Variants in MCF2L observed in about 807,000 individuals in gnomAD.
The protein encoded by MCF2L is guanine nucleotide exchange factor DBS.
In MCF2L, 97 loss-of-function variants were observed where a neutral mutation model predicts 153.4. The observed-to-expected ratio is 0.63, with a 90% CI of 0.54 to 0.75. MCF2L has a LOEUF of 0.75. Among genes scored for constraint, MCF2L ranks in the 30% least tolerant of loss-of-function variants. The probability of loss-of-function intolerance (pLI) is 0.00; values close to 1 mark genes in which losing one functional copy is unlikely to be tolerated. For synonymous variants in MCF2L, 659 were observed against 632.2 expected, an observed-to-expected ratio of 1.04 and a Z score of -0.64; for missense variants, 1,347 against 1,495.2, an observed-to-expected ratio of 0.90 and a Z score of 1.64.
Position 113,098,355 on chromosome 13 carries a change from T to G in MCF2L, c.*1496T>G, listed in dbSNP as rs928489632. 6.6e-6 allele frequency: 1 copy of G among 152,614 alleles called. No individual in the cohort carries two copies. The highest frequency in any genetic ancestry group is 1.9e-4 in the East Asian group (1 of 5,208). 9.5% of individuals were successfully genotyped at this position (152,614 alleles called of 1,614,324 possible). The stretch of plus-strand genomic sequence containing the variant: ...GTGCTGTGTCCCGCGATGTCCCTGA[T>G]GTACTGTGCAGGCGCGGTGCCTCCG... On this transcript the variant is annotated 3_prime_UTR_variant, in exon 30 of 30. Transcript: ENST00000535094.
chr13:113,001,954 C>T (rs376750519), intron 1 of MCF2L: 26 of 1,593,158 alleles, frequency 1.6e-5, no homozygotes, highest in East Asian at 4.5e-5. Context: ...GACCTCTGGG[C>T]GCTGTGGCTG....
At chr13:112,979,614 T>C (rs1426240652) in intron 1 of MCF2L, 16 of 1,609,446 alleles carry the variant, frequency 9.9e-6, no homozygotes, top group Non-Finnish European at 1.4e-5. Context: ...GGTCCCTGCG[T>C]GAAGAACCAG....
chr13:113,060,253 A>C (rs1159967008), intron 4 of MCF2L, among the ~76,000 whole-genome samples: 1 of 152,216 alleles, frequency 6.6e-6, no homozygotes, highest in African/African-American at 2.4e-5. Flanking sequence ...TCACCAGCCA[A>C]GGTCACGTTC....
chr13:113,025,007 G>T (rs1333434428), intron 3 of MCF2L: 19 of 325,394 alleles, frequency 5.8e-5, no homozygotes, highest in Non-Finnish European at 1.0e-4. Context: ...CGTGACTGTG[G>T]GTTGGGGCAG....
chr13:113,004,024 G>T (rs2083533553), intron 1 of MCF2L, among the ~76,000 whole-genome samples: 1 of 152,176 alleles, frequency 6.6e-6, no homozygotes, highest in Admixed American at 6.5e-5. Flanking sequence ...TTAAAGGAAA[G>T]AATTTGTTAT....
intron 4 of MCF2L, among the ~76,000 whole-genome samples, chr13:113,058,303 G>A (rs551555097): frequency 1.0e-4 from 15 of 150,136 alleles, no homozygotes; most frequent in South Asian, 2.1e-4. Context: ...CTGAGTGGGC[G>A]TTGAGTGTTC....
At chr13:113,033,225 C>A (rs77135716) in intron 3 of MCF2L, among the ~76,000 whole-genome samples, 16 of 127,356 alleles carry the variant, frequency 1.3e-4, no homozygotes, top group South Asian at 2.6e-4. Flanking sequence ...ACATGAGTGG[C>A]CCCCGTGACG....
At chr13:113,095,670 G>A in intron 27 of MCF2L, 1 of 991,976 alleles carries the variant, frequency 1.0e-6, no homozygotes, top group Non-Finnish European at 1.2e-6. Context: ...TCACGTGAGG[G>A]CAGGTGGCCC....
At chr13:112,926,936 A>C (rs2081413516) in intron 2 of MCF2L, among the ~76,000 whole-genome samples, 1 of 151,904 alleles carries the variant, frequency 6.6e-6, no homozygotes, top group South Asian at 2.1e-4. Context: ...GAGTTAAGAC[A>C]TGTGCTAATT....
At chr13:113,026,099 G>A (rs1397674108) in intron 3 of MCF2L, among the ~76,000 whole-genome samples, 2 of 140,478 alleles carry the variant, frequency 1.4e-5, no homozygotes. Context: ...TCGGGGCAGA[G>A]TCTCTGTGAG....
intron 1 of MCF2L, among the ~76,000 whole-genome samples, chr13:113,004,910 G>A (rs1310185827): frequency 6.6e-6 from 1 of 152,234 alleles, no homozygotes; most frequent in Non-Finnish European, 1.5e-5. Context: ...ACGTAAGTTG[G>A]TGCAGGTATC....
At chr13:113,088,685 A>G in intron 25 of MCF2L, 57 bp downstream of exon 25, 3 of 1,546,770 alleles carry the variant, frequency 1.9e-6, no homozygotes, top group Non-Finnish European at 2.6e-6. Flanking sequence ...CGAGCAGGCC[A>G]TTTGCACGCC....
At position 113,096,957 on chromosome 13, in the gene MCF2L, C is replaced by T; in HGVS notation, c.*98C>T. On this transcript the variant is annotated 3_prime_UTR_variant, in exon 30 of 30. Coordinates refer to ENST00000535094, the MANE Select transcript of MCF2L (RefSeq NM_001112732.3). ...GCCCCGAGGAAGGGGCACCTCACCG[C>T]CCCCACCCAGAGCGCCTGGCCGTGC... is the stretch of plus-strand genomic sequence containing the variant. 1 of 894,304 alleles carries T rather than the reference C, an allele frequency of 1.1e-6. No individual in the cohort carries two copies. Among genetic ancestry groups the T allele is most frequent in the East Asian group, 3.7e-5 (1 of 26,898 alleles). 55.4% of individuals were successfully genotyped at this position (894,304 alleles called of 1,614,324 possible).
intron 1 of MCF2L, among the ~76,000 whole-genome samples, chr13:113,007,013 T>C (rs981445870): frequency 6.6e-6 from 1 of 152,156 alleles, no homozygotes; most frequent in African/African-American, 2.4e-5. Flanking sequence ...GGAAGGAACC[T>C]GCGTCCCTCA....
intron 1 of MCF2L, chr13:113,001,351 C>T (rs1378300409): frequency 2.0e-5 from 3 of 152,450 alleles, no homozygotes; most frequent in Middle Eastern, 3.2e-3. Context: ...TCCCCACAGG[C>T]GTGTGTTGCC....
At chr13:112,945,879 T>C (rs949368474) in intron 2 of MCF2L, among the ~76,000 whole-genome samples, 1 of 152,194 alleles carries the variant, frequency 6.6e-6, no homozygotes, top group African/African-American at 2.4e-5. Flanking sequence ...CATGGAGAGA[T>C]GGGTTTGTGC....
intron 2 of MCF2L, among the ~76,000 whole-genome samples, chr13:112,915,246 A>G (rs1347481229): frequency 1.3e-5 from 2 of 151,650 alleles, no homozygotes; most frequent in Non-Finnish European, 2.9e-5. Flanking sequence ...TATCTCTACT[A>G]AAAATACAAC....
At chr13:113,030,859 G>A (rs1196264684) in intron 3 of MCF2L, among the ~76,000 whole-genome samples, 1 of 152,172 alleles carries the variant, frequency 6.6e-6, no homozygotes, top group African/African-American at 2.4e-5. Flanking sequence ...CAGGTAGACG[G>A]TCAGACCTGT....
At chr13:112,949,329 T>A (rs1426419705) in intron 2 of MCF2L, among the ~76,000 whole-genome samples, 2 of 152,148 alleles carry the variant, frequency 1.3e-5, no homozygotes, top group African/African-American at 4.8e-5. Context: ...TAGCACCAAT[T>A]CTACACAATC....
Sources: gnomAD v4.1 joint callset for allele counts (sites outside exome capture counted in the v4.1 genomes callset) on GRCh38, gnomAD v4.1.1 for gene constraint, MANE v1.5 for transcripts, NCBI Gene and HGNC (gene_info 2026-07-23, HGNC 2026-07-21) for gene names.